The following SHTN1 variants were observed in gnomAD, a reference collection of about 807,000 sequenced individuals.
SHTN1 encodes shootin 1, also known as shootin-1.
In SHTN1, 42 loss-of-function variants were observed where a neutral mutation model predicts 83.1. The ratio of observed to expected loss-of-function variants is 0.51; its 90% CI spans 0.39 to 0.65. The LOEUF (loss-of-function observed/expected upper bound fraction) is 0.65. Among genes scored for constraint, SHTN1 ranks in the 30% least tolerant of loss-of-function variants. The pLI is 0.00. For synonymous variants in SHTN1, 224 were observed against 247.7 expected (o/e 0.90, Z 0.90); for missense variants, 622 against 737.8 (o/e 0.84, Z 1.82).
intron 1 of SHTN1, among the ~76,000 whole-genome samples, chr10:116,992,460 A>C (rs1330404823): frequency 3.3e-5 from 5 of 152,248 alleles, no homozygotes; most frequent in Non-Finnish European, 5.9e-5. Context: ...TCAGGATGCC[A>C]GCAAATGCTG....
chr10:117,030,341 C>T (rs1327167963), intron 2 of SHTN1, among the ~76,000 whole-genome samples: 1 of 152,104 alleles, frequency 6.6e-6, no homozygotes, highest in Non-Finnish European at 1.5e-5. Flanking sequence ...GATCACAACA[C>T]CCAAGTCCTT....
chr10:116,970,511 C>A (rs1021387977), intron 2 of SHTN1, among the ~76,000 whole-genome samples: 3 of 152,034 alleles, frequency 2.0e-5, no homozygotes, highest in Non-Finnish European at 4.4e-5. Context: ...GTCAAGAGAT[C>A]GAGACCATCC....
At chr10:116,979,454 AT>A (rs909730831) in intron 1 of SHTN1, 146 bp from the exon 2 acceptor site, 19 of 644,038 alleles carry the variant, frequency 3.0e-5, no homozygotes, top group South Asian at 3.8e-5. Flanking sequence ...TCTGCTTTTT[AT>A]TTTTTTTATT....
At chr10:116,939,924 T>C (rs989519105) in intron 9 of SHTN1, among the ~76,000 whole-genome samples, 2 of 152,234 alleles carry the variant, frequency 1.3e-5, no homozygotes, top group Non-Finnish European at 2.9e-5. Context: ...AGAGGTAGGC[T>C]GTGTCAGCTG....
chr10:117,115,079 G>T (rs1239111175), intron 1 of SHTN1, among the ~76,000 whole-genome samples: 1 of 152,110 alleles, frequency 6.6e-6, no homozygotes, highest in Non-Finnish European at 1.5e-5. Flanking sequence ...ACTCTTTGGG[G>T]GTCATAAATC....
intron 2 of SHTN1, among the ~76,000 whole-genome samples, chr10:117,047,903 C>CAA (rs58029184): frequency 0.65 from 90,750 of 139,308 alleles, 32,145 homozygotes; most frequent in Middle Eastern, 0.83. Flanking sequence ...AGGCATGAGC[C>CAA]AAAAAAAAAA....
intron 14 of SHTN1, among the ~76,000 whole-genome samples, chr10:116,910,024 C>G (rs917964263): frequency 6.6e-6 from 1 of 152,072 alleles, no homozygotes; most frequent in African/African-American, 2.4e-5. Flanking sequence ...TTCAATAATC[C>G]TAACAGTCTG....
At chr10:116,981,244 G>A (rs548453093) in intron 1 of SHTN1, among the ~76,000 whole-genome samples, 127 of 152,180 alleles carry the variant, frequency 8.3e-4, no homozygotes, top group African/African-American at 2.9e-3. Context: ...GCGTGAACCC[G>A]GGAAGCAGAG....
chr10:117,111,127 G>C (rs549986987), intron 1 of SHTN1, among the ~76,000 whole-genome samples: 2 of 151,978 alleles, frequency 1.3e-5, no homozygotes, highest in East Asian at 2.0e-4. Context: ...GAACCTGGGA[G>C]GGGGAGGTTA....
intron 1 of SHTN1, among the ~76,000 whole-genome samples, chr10:116,995,372 GAATT>G (rs1171489711): frequency 3.3e-5 from 5 of 152,096 alleles, no homozygotes; most frequent in Admixed American, 1.3e-4. Context: ...GCAAAATTAA[GAATT>G]AATTACATGG....
At chr10:116,890,409 A>G (rs1055245263) in intron 16 of SHTN1, among the ~76,000 whole-genome samples, 1 of 152,246 alleles carries the variant, frequency 6.6e-6, no homozygotes, top group Admixed American at 6.5e-5. Context: ...TCCAAGGAAC[A>G]GTGAGGTTAA....
intron 2 of SHTN1, among the ~76,000 whole-genome samples, chr10:116,969,394 T>G (rs1200023035): frequency 2.0e-5 from 3 of 151,450 alleles, no homozygotes; most frequent in Non-Finnish European, 4.4e-5. Flanking sequence ...TGAGCCGAGA[T>G]CACACCATTG....
chr10:116,959,895 G>T (rs748244479), intron 4 of SHTN1, among the ~76,000 whole-genome samples: 2 of 152,136 alleles, frequency 1.3e-5, no homozygotes, highest in African/African-American at 2.4e-5. Flanking sequence ...CAGGCAAAAA[G>T]CACAAATGCT....
At chr10:117,020,256 G>A (rs1852240366) in intron 2 of SHTN1, among the ~76,000 whole-genome samples, 1 of 151,686 alleles carries the variant, frequency 6.6e-6, no homozygotes, top group South Asian at 2.1e-4. Context: ...TTGGGAGGCC[G>A]AGGCAGGCAA....
chr10:117,045,504 A>G (rs1852648137), intron 2 of SHTN1, among the ~76,000 whole-genome samples: 1 of 152,200 alleles, frequency 6.6e-6, no homozygotes, highest in Admixed American at 6.5e-5. Flanking sequence ...AAATAATTCC[A>G]CATCCCAGAC....
At chr10:117,007,368 TTAGA>T (rs754116653), upstream of SHTN1, among the ~76,000 whole-genome samples, 14 of 151,750 alleles carry the variant, frequency 9.2e-5, no homozygotes, top group African/African-American at 2.2e-4. Flanking sequence ...TATACAGTAG[TTAGA>T]TAGTATTTCT....
chr10:116,999,121 A>C (rs1385531372), intron 1 of SHTN1, among the ~76,000 whole-genome samples: 1 of 152,162 alleles, frequency 6.6e-6, no homozygotes, highest in Non-Finnish European at 1.5e-5. Flanking sequence ...GAGCCAACAC[A>C]ACCAGCCCAG....
intron 2 of SHTN1, among the ~76,000 whole-genome samples, chr10:117,016,860 T>C (rs1159616280): frequency 6.6e-6 from 1 of 152,176 alleles, no homozygotes; most frequent in East Asian, 1.9e-4. Flanking sequence ...GGTACATACA[T>C]AAAGGTATAT....
At chr10:117,075,564 C>A (rs931409952) in intron 1 of SHTN1, among the ~76,000 whole-genome samples, 10 of 152,152 alleles carry the variant, frequency 6.6e-5, no homozygotes, top group African/African-American at 2.4e-4. Context: ...AGGCAATTAT[C>A]CACATAGTGT....
Sources: gnomAD v4.1 joint callset for allele counts (sites outside exome capture counted in the v4.1 genomes callset) on GRCh38, gnomAD v4.1.1 for gene constraint, MANE v1.5 for transcripts, NCBI Gene and HGNC (gene_info 2026-07-23, HGNC 2026-07-21) for gene names.